GABRB2: variants seen among roughly 807,000 people sequenced by gnomAD.
GABRB2 encodes the protein gamma-aminobutyric acid receptor subunit beta-2.
Under a neutral mutation model 54.7 loss-of-function variants are expected in GABRB2, and 16 were observed. That is an observed-to-expected ratio of 0.29 (90% CI 0.20 to 0.44). The LOEUF (loss-of-function observed/expected upper bound fraction) is 0.44. Ranked by LOEUF, GABRB2 falls within the 20% of genes least tolerant of loss-of-function variation. The pLI is 1.00. For synonymous variants in GABRB2, 244 were observed against 233.8 expected, an observed-to-expected ratio of 1.04 and a Z score of -0.40; for missense variants, 355 against 644.0, an observed-to-expected ratio of 0.55 and a Z score of 4.86.
chr5:161,373,687 T>C (rs963373232), intron 5 of GABRB2, among the ~76,000 whole-genome samples: 3 of 152,206 alleles, frequency 2.0e-5, no homozygotes, highest in Non-Finnish European at 2.9e-5. Flanking sequence ...TCAGTTATTA[T>C]ATATTCCCAG....
chr5:161,433,466 C>A lies in GABRB2; in HGVS notation c.459-22409G>T, dbSNP rs947096288. Among the ~76,000 whole-genome samples, 7 of 149,632 alleles carry A rather than the reference C, an allele frequency of 4.7e-5. No homozygotes were observed. In the South Asian group the frequency reaches 1.3e-3, roughly 27 times the overall value. On this transcript the variant is annotated intron_variant, in intron 4 of 9. Coordinates refer to ENST00000393959, the MANE Select transcript of GABRB2 (RefSeq NM_001371727.1). The stretch of plus-strand genomic sequence containing the variant: ...AATACAAAAAAAAAAAAAAAATAGT[C>A]GGGCAAGGTGGTGCTTGCCTGTAGT...
At chr5:161,427,829 A>T (rs570157885) in intron 4 of GABRB2, among the ~76,000 whole-genome samples, 100 of 152,338 alleles carry the variant, frequency 6.6e-4, no homozygotes, top group African/African-American at 2.0e-3. Context: ...ATGCAACATT[A>T]TAAGTTGGTT....
intron 3 of GABRB2, among the ~76,000 whole-genome samples, chr5:161,542,893 G>GAC (rs1217819253): frequency 6.6e-6 from 1 of 152,142 alleles, no homozygotes; most frequent in Admixed American, 6.5e-5. Flanking sequence ...CTGTTATTTA[G>GAC]ACACCAGAGA....
At chr5:161,509,578 C>T (rs1759704250) in intron 3 of GABRB2, among the ~76,000 whole-genome samples, 1 of 151,996 alleles carries the variant, frequency 6.6e-6, no homozygotes, top group South Asian at 2.1e-4. Context: ...ACTCATGGCA[C>T]TCTATCGTAT....
intron 4 of GABRB2, among the ~76,000 whole-genome samples, chr5:161,422,768 A>G (rs1287685694): frequency 2.6e-5 from 4 of 152,188 alleles, no homozygotes; most frequent in African/African-American, 9.6e-5. Context: ...TGGAATATGC[A>G]TGGGATACTA....
At position 161,331,084 on chromosome 5, in the gene GABRB2, G is replaced by A. The variant is rs1266536846; in HGVS notation, c.876C>T (p.Leu292=). Residue 292 remains leucine (L), a synonymous_variant, in exon 8 of 10, where the codon CTC becomes CTT. Coordinates refer to ENST00000393959, the MANE Select transcript of GABRB2 (RefSeq NM_001371727.1). The stretch of plus-strand genomic sequence containing the variant: ...AGGGGATTTTAGGGAGAGTTTCCCG[G>A]AGGTGGGTGTTGATTGTGGTCATTG... ...VLTMTTINTH[L]RETLPKIPYV... is the part of the protein sequence containing the mutation. The A allele has an allele frequency of 2.5e-6, 4 of 1,605,262 alleles. No individual in the cohort carries two copies. The African/African-American group carries it at 5.4e-5, about 22-fold the overall frequency.
chr5:161,395,972 T>A (rs1755986589), intron 5 of GABRB2, among the ~76,000 whole-genome samples: 1 of 152,198 alleles, frequency 6.6e-6, no homozygotes, highest in Non-Finnish European at 1.5e-5. Context: ...GGAAATAATG[T>A]CAAGGAGAAG....
At chr5:161,389,839 A>T (rs186895387) in intron 5 of GABRB2, among the ~76,000 whole-genome samples, 12 of 152,072 alleles carry the variant, frequency 7.9e-5, no homozygotes, top group Non-Finnish European at 1.5e-4. Context: ...CTGAAGTTTT[A>T]TTTCTTAATG....
chr5:161,491,616 C>A (rs1759094602), intron 3 of GABRB2, among the ~76,000 whole-genome samples: 1 of 151,400 alleles, frequency 6.6e-6, no homozygotes, highest in African/African-American at 2.4e-5. Flanking sequence ...GAGGTGTTTG[C>A]CTGAGGGTAT....
At chr5:161,452,159 A>G (rs1357268968) in intron 4 of GABRB2, among the ~76,000 whole-genome samples, 3 of 152,146 alleles carry the variant, frequency 2.0e-5, no homozygotes, top group Non-Finnish European at 4.4e-5. Context: ...GTGTACCTGA[A>G]TGTTATGATA....
chr5:161,482,698 G>A (rs574184651), intron 3 of GABRB2, among the ~76,000 whole-genome samples: 6 of 152,176 alleles, frequency 3.9e-5, no homozygotes, highest in South Asian at 4.1e-4. Flanking sequence ...CCCCTATGGC[G>A]TACAAGCCCA....
chr5:161,407,936 T>G (rs540406206), intron 5 of GABRB2, among the ~76,000 whole-genome samples: 1 of 152,136 alleles, frequency 6.6e-6, no homozygotes, highest in South Asian at 2.1e-4. Flanking sequence ...CCCTGTATAT[T>G]TAAGAAAAGT....
At chr5:161,538,463 C>T (rs1760710896) in intron 3 of GABRB2, among the ~76,000 whole-genome samples, 1 of 152,172 alleles carries the variant, frequency 6.6e-6, no homozygotes, top group African/African-American at 2.4e-5. Context: ...CTAAGAAAGT[C>T]TTACAGAAAA....
chr5:161,393,302 A>C (rs1755890268), intron 5 of GABRB2, among the ~76,000 whole-genome samples: 2 of 2,872 alleles, frequency 7.0e-4, no homozygotes, highest in South Asian at 0.022. Flanking sequence ...AAAAATGTAA[A>C]AAAAAAAAAA....
chr5:161,375,433 T>C (rs753079592), intron 5 of GABRB2, among the ~76,000 whole-genome samples: 1 of 152,244 alleles, frequency 6.6e-6, no homozygotes, highest in African/African-American at 2.4e-5. Flanking sequence ...GTTTCAGAAA[T>C]GGTATGTGAC....
intron 4 of GABRB2, among the ~76,000 whole-genome samples, chr5:161,430,172 A>G (rs946019254): frequency 3.3e-5 from 5 of 152,098 alleles, no homozygotes; most frequent in Non-Finnish European, 7.4e-5. Flanking sequence ...GCTAGAGGTT[A>G]GCAATGGCAA....
In GABRB2 at chr5:161,523,026, T is replaced by TA. The variant is rs530982337; in HGVS notation, c.237+22200dup. Among the ~76,000 whole-genome samples the TA allele has an allele frequency of 1.1e-3, 174 of 151,698 alleles. 1 individual carries two copies. The highest frequency in any genetic ancestry group is 6.8e-3 in the Middle Eastern group (2 of 294). On this transcript the variant is annotated intron_variant, in intron 3 of 9. Transcript: ENST00000393959. ...ATAATTTTAATAAGCCTTATACATA[T>TA]AGTAAATCATTTAATTTTTGGAATC... is the stretch of plus-strand genomic sequence containing the variant.
At chr5:161,369,761 C>T (rs1755079150) in intron 5 of GABRB2, among the ~76,000 whole-genome samples, 1 of 152,028 alleles carries the variant, frequency 6.6e-6, no homozygotes, top group African/African-American at 2.4e-5. Flanking sequence ...TAATATCGAC[C>T]TGAAATCTTT....
At chr5:161,502,399 C>T (rs191622764) in intron 3 of GABRB2, among the ~76,000 whole-genome samples, 3 of 152,104 alleles carry the variant, frequency 2.0e-5, no homozygotes, top group African/African-American at 7.2e-5. Context: ...AAGAATTGGG[C>T]TAATCTACAA....
Sources: gnomAD v4.1 joint callset for allele counts (sites outside exome capture counted in the v4.1 genomes callset) on GRCh38, gnomAD v4.1.1 for gene constraint, MANE v1.5 for transcripts, NCBI Gene and HGNC (gene_info 2026-07-23, HGNC 2026-07-21) for gene names.